Variants in NLRP10 observed in about 807,000 individuals in gnomAD.
The protein encoded by NLRP10 is NACHT, LRR and PYD domains-containing protein 10.
NLRP10 carries 7 observed loss-of-function variants against 8.2 expected under a neutral mutation model. That is an observed-to-expected ratio of 0.85 (90% CI 0.48 to 1.60). The LOEUF (loss-of-function observed/expected upper bound fraction) is 1.60. Ranked by LOEUF, NLRP10 falls within the 40% of genes most tolerant of loss-of-function variation. The probability of loss-of-function intolerance (pLI) is 0.00; values close to 1 mark genes in which losing one functional copy is unlikely to be tolerated. For synonymous variants in NLRP10, 338 were observed against 314.0 expected (o/e 1.08, Z -0.81); for missense variants, 814 against 776.3 (o/e 1.05, Z -0.58).
At chr11:7,962,329 G>C (rs185869599) in intron 2 of NLRP10, among the ~76,000 whole-genome samples, 1 of 135,606 alleles carries the variant, frequency 7.4e-6, no homozygotes, top group Non-Finnish European at 1.5e-5. Flanking sequence ...TCCGCCTCCC[G>C]GGTTCACGCC....
Position 7,963,367 on chromosome 11 carries a change from T to C in NLRP10, c.129A>G (p.Pro43=), listed in dbSNP as rs375730129. ...GGCCCTCCAACTCCCCTCTGGCCAG[T>C]GGGGGCTGGCCCTCAGACAGGGTCA... ...RDMTLSEGQP[P]LARGELEGLI... is the part of the protein sequence containing the mutation. The change falls in exon 2 of 3, where the codon CCA becomes CCG. Residue 43 remains proline (P), a synonymous_variant. Transcript: ENST00000691676. 4.3e-6 allele frequency: 7 copies of C among 1,613,580 alleles called. No individual in the cohort carries two copies. In the East Asian group the frequency reaches 8.9e-5, roughly 21 times the overall value.
chr11:7,961,090 C>T lies in NLRP10; in HGVS notation c.522G>A (p.Ser174=), dbSNP rs761273677. ...LAPSLVVLQG[S]AGTGKTTLAR... is the part of the protein sequence containing the mutation. The stretch of plus-strand genomic sequence containing the variant: ...CGAGAGTTGTCTTTCCAGTGCCAGC[C>T]GACCCCTGTAGCACAACTAAGGATG... Residue 174 remains serine, a synonymous_variant, in exon 3 of 3, where the codon TCG becomes TCA. Transcript: ENST00000691676. The T allele has an allele frequency of 2.2e-5, 36 of 1,613,986 alleles. No individual in the cohort carries two copies. Among genetic ancestry groups the T allele is most frequent in the Non-Finnish European group, 2.5e-5 (30 of 1,180,004 alleles).
chr11:7,964,375 A>C (rs1391971153), intron 1 of NLRP10, among the ~76,000 whole-genome samples: 1 of 152,248 alleles, frequency 6.6e-6, no homozygotes, highest in Non-Finnish European at 1.5e-5. Flanking sequence ...GGCCTCAGTC[A>C]CACAGGGATT....
At chr11:7,962,865 A>G (rs1468035266) in intron 2 of NLRP10, among the ~76,000 whole-genome samples, 1 of 152,118 alleles carries the variant, frequency 6.6e-6, no homozygotes, top group Non-Finnish European at 1.5e-5. Flanking sequence ...CTACATCCTG[A>G]TGCTATTTCT....
Position 7,960,416 on chromosome 11 carries a change from C to T in NLRP10, c.1196G>A (p.Gly399Glu), listed in dbSNP as rs1256073846. The part of the protein sequence containing the change: ...VSTFLPPDDD[G>E]GCSELSRHRV... The stretch of plus-strand genomic sequence containing the variant: ...GTGCCGGGAAAGCTCGGAGCAGCCC[C>T]CATCATCATCGGGCGGCAGAAAGGT... The change falls in exon 3 of 3, where the codon GGG becomes GAG. Residue 399 changes from glycine to glutamate, a missense_variant. Transcript: ENST00000691676. 12 of 1,613,984 alleles carry T rather than the reference C, an allele frequency of 7.4e-6. No homozygotes were observed. The highest frequency in any genetic ancestry group is 1.0e-5 in the Non-Finnish European group (12 of 1,180,030).
chr11:7,962,862 C>G (rs945358990), intron 2 of NLRP10, among the ~76,000 whole-genome samples: 1 of 152,192 alleles, frequency 6.6e-6, no homozygotes, highest in Non-Finnish European at 1.5e-5. Context: ...CCCCTACATC[C>G]TGATGCTATT....
At chr11:7,963,756 A>AAT in intron 1 of NLRP10, 1 of 536,086 alleles carries the variant, frequency 1.9e-6, no homozygotes, top group Non-Finnish European at 3.3e-6. Context: ...ATGGGTAGGA[A>AAT]GGTATGTAGG....
At position 7,959,753 on chromosome 11, in the gene NLRP10, GA is replaced by G. The variant is rs1410406150; in HGVS notation, c.1858del (p.Ser620LeufsTer12). 5 of 1,613,418 alleles carry G rather than the reference GA, an allele frequency of 3.1e-6. No homozygotes were observed. Among genetic ancestry groups the G allele is most frequent in the Non-Finnish European group, 4.2e-6 (5 of 1,179,510 alleles). Reference sequence around the variant, plus strand: ...TTTGCCCTCCTTCTGTCCATGGACAGAAGGACATTTTTGCTCCTCCTTAGGT... The same window carrying G: ...TTTGCCCTCCTTCTGTCCATGGACAGAGGACATTTTTGCTCCTCCTTAGGT... ...HGPKEEQKCP[S>X]VHGQKEGKDN... is the part of the protein sequence containing the mutation. On this transcript the variant is annotated frameshift_variant, in exon 3 of 3. Coordinates refer to ENST00000691676, the MANE Select transcript of NLRP10 (RefSeq NM_001391958.1). LOFTEE classifies it low-confidence loss of function (END_TRUNC).
Position 7,963,343 on chromosome 11 carries a change from G to A in NLRP10, c.153C>T (p.Gly51=). 1 of 1,614,206 alleles carries A rather than the reference G, an allele frequency of 6.2e-7. No individual in the cohort carries two copies. Among genetic ancestry groups the A allele is most frequent in the Non-Finnish European group, 8.5e-7 (1 of 1,180,024 alleles). Residue 51 remains glycine, a synonymous_variant, in exon 2 of 3, where the codon GGC becomes GGT. Transcript: ENST00000691676. ...QPPLARGELE[G]LIPVDLAELL... is the part of the protein sequence containing the mutation. The stretch of plus-strand genomic sequence containing the variant: ...ATTCTGCCAGGTCCACCGGAATCAG[G>A]CCCTCCAACTCCCCTCTGGCCAGTG...
chr11:7,964,841 T>A (rs543628457), intron 1 of NLRP10, among the ~76,000 whole-genome samples: 1 of 152,260 alleles, frequency 6.6e-6, no homozygotes, highest in African/African-American at 2.4e-5. Context: ...AAGCAACAAT[T>A]AATAGAAAGC....
chr11:7,965,212 C>T (rs1941798390), intron 1 of NLRP10, 34 bp downstream of exon 1: 1 of 152,220 alleles, frequency 6.6e-6, no homozygotes, highest in Non-Finnish European at 1.5e-5. Flanking sequence ...AACACTAGAA[C>T]CTGCCAAGAA....
At position 7,960,266 on chromosome 11, in the gene NLRP10, C is replaced by T; in HGVS notation, c.1346G>A (p.Ser449Asn). The T allele has an allele frequency of 1.9e-6, 3 of 1,614,154 alleles. No individual in the cohort carries two copies. Among genetic ancestry groups the T allele is most frequent in the Non-Finnish European group, 2.5e-6 (3 of 1,180,004 alleles). ...GGCAAGTCCCAATTGGTAGTCGTTA[C>T]TACTCAGGAAAGCGGCAAGCCTGGG... ...DGPRLAAFLSSNDYQLGLAIK... is the reference protein window; with the variant it reads ...DGPRLAAFLSNNDYQLGLAIK... The change falls in exon 3 of 3, where the codon AGT becomes AAT. Residue 449 changes from serine (S) to asparagine (N), a missense_variant. Coordinates refer to ENST00000691676, the MANE Select transcript of NLRP10 (RefSeq NM_001391958.1).
Position 7,963,363 on chromosome 11 carries a change from C to T in NLRP10, c.133G>A (p.Ala45Thr). Residue 45 changes from alanine to threonine, a missense_variant, in exon 2 of 3, where the codon GCC (alanine) becomes ACC (threonine). By Grantham distance (58) the Ala-to-Thr change is moderately conservative. Transcript: ENST00000691676. Reference sequence around the variant, plus strand: ...ATCAGGCCCTCCAACTCCCCTCTGGCCAGTGGGGGCTGGCCCTCAGACAGG... The same window carrying T: ...ATCAGGCCCTCCAACTCCCCTCTGGTCAGTGGGGGCTGGCCCTCAGACAGG... Reference protein sequence around the residue: ...MTLSEGQPPLARGELEGLIPV... With the variant: ...MTLSEGQPPLTRGELEGLIPV... 6.2e-7 allele frequency: 1 copy of T among 1,614,222 alleles called. No individual in the cohort carries two copies. Among genetic ancestry groups the T allele is most frequent in the Non-Finnish European group, 8.5e-7 (1 of 1,180,026 alleles).
At position 7,960,161 on chromosome 11, in the gene NLRP10, T is replaced by G; in HGVS notation, c.1451A>C (p.Gln484Pro). 6.2e-7 allele frequency: 1 copy of G among 1,614,200 alleles called. No homozygotes were observed. Among genetic ancestry groups the G allele is most frequent in the Admixed American group, 1.7e-5 (1 of 60,016 alleles). ...HAMSYLVKED[Q>P]SRLGKESRRE... ...GCGGGACTCCTTCCCCAGCCGGCTT[T>G]GGTCCTCTTTCACCAGGTAAGACAT... is the stretch of plus-strand genomic sequence containing the variant. The change falls in exon 3 of 3, where the codon CAA becomes CCA. Residue 484 changes from glutamine to proline, a missense_variant. Gln to Pro is a moderately conservative substitution (Grantham distance 76, BLOSUM62 -1). Transcript: ENST00000691676.
At position 7,960,614 on chromosome 11, in the gene NLRP10, T is replaced by G. The variant is rs1941701506; in HGVS notation, c.998A>C (p.Gln333Pro). 2 of 1,614,172 alleles carry G rather than the reference T, an allele frequency of 1.2e-6. No homozygotes were observed. The highest frequency in any genetic ancestry group is 1.6e-4 in the Middle Eastern group (1 of 6,062). Residue 333 changes from glutamine (Q) to proline (P), a missense_variant, in exon 3 of 3, where the codon CAA (glutamine) becomes CCA (proline). By Grantham distance (76) the Gln-to-Pro change is moderately conservative. Transcript: ENST00000691676. ...YFSSYFTDEK[Q>P]ADRAFDIVQK... is the part of the protein sequence containing the mutation. Reference sequence around the variant, plus strand: ...TACAATGTCGAAGGCACGGTCAGCTTGCTTCTCATCCGTGAAATAGGAGCT... The same window carrying G: ...TACAATGTCGAAGGCACGGTCAGCTGGCTTCTCATCCGTGAAATAGGAGCT...
Position 7,959,605 on chromosome 11 carries a change from C to T in NLRP10, c.*39G>A. 1 of 1,058,258 alleles carries T rather than the reference C, an allele frequency of 9.4e-7. No individual in the cohort carries two copies. The highest frequency in any genetic ancestry group is 1.4e-6 in the Non-Finnish European group (1 of 732,878). The allele number at this position is 1,058,258 out of a possible 1,614,324, so 65.6% of individuals were successfully genotyped here. A position where few individuals can be genotyped will look rare whatever the true frequency, so the allele number is the denominator to read the frequency against. ...TTGATTTCTTTCCTCAGAGTGTTGT[C>T]ATTTTCCTCATAGAGATCTTGTACA... On this transcript the variant is annotated 3_prime_UTR_variant, in exon 3 of 3. Coordinates refer to ENST00000691676, the MANE Select transcript of NLRP10 (RefSeq NM_001391958.1).
Position 7,960,014 on chromosome 11 carries a change from A to C in NLRP10, c.1598T>G (p.Phe533Cys), listed in dbSNP as rs528567579. The C allele has an allele frequency of 4.5e-4, 721 of 1,614,142 alleles. 8 individuals are homozygous for C. The South Asian group carries it at 7.4e-3, about 17-fold the overall frequency. The change falls in exon 3 of 3, where the codon TTC becomes TGC. Residue 533 changes from phenylalanine to cysteine, a missense_variant. Transcript: ENST00000691676. ...TAAACAGGGAGAAATTCTGAAGCAGAACTTGAGCTCCAAGTTCGAGAAGCT... is the reference window on the plus strand; with the variant it reads ...TAAACAGGGAGAAATTCTGAAGCAGCACTTGAGCTCCAAGTTCGAGAAGCT... ...KDSFSNLELK[F>C]CFRISPCLAQ...
rs998955658 is a variant in NLRP10 at position 7,959,358 on chromosome 11, C to G, written c.*286G>C. On this transcript the variant is annotated 3_prime_UTR_variant, in exon 3 of 3. Coordinates refer to ENST00000691676, the MANE Select transcript of NLRP10 (RefSeq NM_001391958.1). ...GAAGAAGTTGGATAGCAGCACTCCTCCAACTTTGTTCTTCTTCAATATTTT... is the reference window on the plus strand; with the variant it reads ...GAAGAAGTTGGATAGCAGCACTCCTGCAACTTTGTTCTTCTTCAATATTTT... 3 of 311,520 alleles carry G rather than the reference C, an allele frequency of 9.6e-6. No homozygotes were observed. The highest frequency in any genetic ancestry group is 4.3e-5 in the African/African-American group (2 of 45,998). 19.3% of individuals were successfully genotyped at this position (311,520 alleles called of 1,614,324 possible). A position where few individuals can be genotyped will look rare whatever the true frequency, so the allele number is the denominator to read the frequency against.
At chr11:7,962,287 G>A (rs892326440) in intron 2 of NLRP10, among the ~76,000 whole-genome samples, 6 of 117,306 alleles carry the variant, frequency 5.1e-5, no homozygotes, top group Admixed American at 1.3e-4. Flanking sequence ...CCAGGCTGGA[G>A]TGCAGTGGCG....
Sources: allele counts gnomAD v4.1 joint callset (sites outside exome capture counted in the v4.1 genomes callset), GRCh38; gene constraint gnomAD v4.1.1; transcripts MANE v1.5; gene names NCBI Gene and HGNC (gene_info 2026-07-23, HGNC 2026-07-21).